PRR5L: variants seen among roughly 807,000 people sequenced by gnomAD.
PRR5L encodes the protein proline rich 5 like, also known as proline-rich protein 5-like.
A neutral mutation model predicts 36.4 loss-of-function variants in PRR5L; 21 were observed. The ratio of observed to expected loss-of-function variants is 0.58; its 90% CI spans 0.41 to 0.83. The LOEUF (loss-of-function observed/expected upper bound fraction) is 0.83, where lower values mean the gene tolerates loss of function less well. Ranked by LOEUF, PRR5L falls within the 40% of genes least tolerant of loss-of-function variation. The pLI, the probability that PRR5L is intolerant of heterozygous loss-of-function variation, is 0.00. For synonymous variants in PRR5L, 188 were observed against 197.0 expected, an observed-to-expected ratio of 0.95 and a Z score of 0.38; for missense variants, 381 against 473.3, an observed-to-expected ratio of 0.80 and a Z score of 1.81.
chr11:36,301,125 A>G, intron 1 of PRR5L: 1 of 152,768 alleles, frequency 6.5e-6, no homozygotes. Context: ...ATGGAAAAGC[A>G]TGGTGTGCTT....
At chr11:36,386,366 C>T (rs1857456684) in intron 1 of PRR5L, among the ~76,000 whole-genome samples, 1 of 152,138 alleles carries the variant, frequency 6.6e-6, no homozygotes, top group African/African-American at 2.4e-5. Flanking sequence ...TTTATGTGCT[C>T]AGTACTATGC....
chr11:36,376,341 AGG>A, intron 1 of PRR5L: 3 of 979,408 alleles, frequency 3.1e-6, no homozygotes, highest in East Asian at 8.8e-5. Context: ...GGGGAGGAGG[AGG>A]AAGAGGAGGA....
intron 3 of PRR5L, among the ~76,000 whole-genome samples, chr11:36,415,294 C>T (rs540349396): frequency 9.2e-5 from 14 of 152,304 alleles, no homozygotes; most frequent in African/African-American, 3.1e-4. Flanking sequence ...GTTTGTGGGA[C>T]AGCATCTTCC....
intron 1 of PRR5L, chr11:36,376,477 T>G: frequency 5.6e-6 from 6 of 1,072,472 alleles, no homozygotes; most frequent in East Asian, 8.5e-5. Flanking sequence ...GAACCGAGGC[T>G]GGACGGGACC....
At chr11:36,381,072 C>G (rs1351327428) in intron 1 of PRR5L, among the ~76,000 whole-genome samples, 1 of 152,190 alleles carries the variant, frequency 6.6e-6, no homozygotes, top group African/African-American at 2.4e-5. Flanking sequence ...ATTAAACTTG[C>G]AAAGCTTTCA....
chr11:36,403,962 T>G (rs1857855072), intron 3 of PRR5L, among the ~76,000 whole-genome samples: 1 of 152,184 alleles, frequency 6.6e-6, no homozygotes, highest in Admixed American at 6.5e-5. Flanking sequence ...GATGAAAGCA[T>G]ATGTTAAAAT....
chr11:36,443,965 G>A (rs550708663), intron 6 of PRR5L, among the ~76,000 whole-genome samples: 1 of 152,170 alleles, frequency 6.6e-6, no homozygotes, highest in African/African-American at 2.4e-5. Flanking sequence ...AATCTTTTTG[G>A]AGAGCAACAT....
intron 1 of PRR5L, among the ~76,000 whole-genome samples, chr11:36,340,377 G>T (rs1271461860): frequency 6.6e-6 from 1 of 152,108 alleles, no homozygotes; most frequent in African/African-American, 2.4e-5. Context: ...CCTATGACTT[G>T]GGCCCTTATA....
chr11:36,447,471 A>G (rs1858853644), intron 7 of PRR5L, among the ~76,000 whole-genome samples: 1 of 152,202 alleles, frequency 6.6e-6, no homozygotes, highest in African/African-American at 2.4e-5. Context: ...GGGGGCACAC[A>G]ATTCTCGACG....
At chr11:36,366,398 T>TTGTG (rs143292163) in intron 1 of PRR5L, among the ~76,000 whole-genome samples, 10 of 142,762 alleles carry the variant, frequency 7.0e-5, no homozygotes, top group Admixed American at 6.9e-4. Context: ...AATTCCATAT[T>TTGTG]TGTGTGTGTG....
At chr11:36,311,764 G>C (rs1267101376) in intron 1 of PRR5L, among the ~76,000 whole-genome samples, 1 of 152,114 alleles carries the variant, frequency 6.6e-6, no homozygotes, top group Non-Finnish European at 1.5e-5. Context: ...TGGAATTTTG[G>C]ATGTCTATCT....
intron 1 of PRR5L, among the ~76,000 whole-genome samples, chr11:36,318,293 G>C (rs568385328): frequency 2.4e-4 from 37 of 152,140 alleles, no homozygotes; most frequent in Admixed American, 1.4e-3. Flanking sequence ...GCCTGACTAG[G>C]GTTCTATTTA....
At chr11:36,433,508 C>T (rs564771272) in intron 5 of PRR5L, among the ~76,000 whole-genome samples, 1 of 152,288 alleles carries the variant, frequency 6.6e-6, no homozygotes, top group East Asian at 1.9e-4. Flanking sequence ...AAGGAAGGGG[C>T]TTATTCTTAG....
intron 1 of PRR5L, among the ~76,000 whole-genome samples, chr11:36,331,667 T>C (rs199708638): frequency 1.3e-5 from 2 of 152,250 alleles, no homozygotes; most frequent in East Asian, 3.8e-4. Flanking sequence ...GCTATTGATA[T>C]TAAAACTCAT....
chr11:36,401,327 G>A (rs1448088072), intron 2 of PRR5L, 42 bp downstream of exon 2: 3 of 1,587,306 alleles, frequency 1.9e-6, no homozygotes, highest in Non-Finnish European at 2.6e-6. Flanking sequence ...GCTGCCAAGG[G>A]CCATGGCAGG....
intron 1 of PRR5L, among the ~76,000 whole-genome samples, chr11:36,302,156 G>T (rs1856383423): frequency 1.3e-5 from 2 of 152,154 alleles, no homozygotes; most frequent in Non-Finnish European, 2.9e-5. Flanking sequence ...GGGAGGTAAG[G>T]GTACCACAGG....
intron 1 of PRR5L, among the ~76,000 whole-genome samples, chr11:36,362,968 G>A (rs374725827): frequency 6.6e-6 from 1 of 152,112 alleles, no homozygotes; most frequent in Non-Finnish European, 1.5e-5. Context: ...ATTTCTAAGG[G>A]GGAGAAAGAG....
intron 1 of PRR5L, 84 bp from the exon 2 acceptor site, chr11:36,400,913 T>C: frequency 8.8e-7 from 1 of 1,140,318 alleles, no homozygotes; most frequent in Non-Finnish European, 1.2e-6. Context: ...TTCGGGGTAG[T>C]TAGGCTGGAA....
At chr11:36,454,653 A>G (rs2133630010) in intron 8 of PRR5L, 1 of 152,364 alleles carries the variant, frequency 6.6e-6, no homozygotes, top group African/African-American at 2.4e-5. Flanking sequence ...CCTCCAAGGT[A>G]CTGTTGTGCT....
Sources: allele counts gnomAD v4.1 joint callset (sites outside exome capture counted in the v4.1 genomes callset), GRCh38; gene constraint gnomAD v4.1.1; transcripts MANE v1.5; gene names NCBI Gene and HGNC (gene_info 2026-07-23, HGNC 2026-07-21).